SPTBN5: variants seen among roughly 807,000 people sequenced by gnomAD.
SPTBN5 encodes spectrin beta chain, non-erythrocytic 5.
A neutral mutation model predicts 477.6 loss-of-function variants in SPTBN5; 513 were observed. The observed-to-expected ratio is 1.07, with a 90% CI of 1.00 to 1.16. The LOEUF (loss-of-function observed/expected upper bound fraction) is 1.16. Ranked by LOEUF, SPTBN5 falls within the 50% of genes most tolerant of loss-of-function variation. SPTBN5 has a pLI of 0.00. For synonymous variants in SPTBN5, 2,169 were observed against 2,011.7 expected, an observed-to-expected ratio of 1.08 and a Z score of -2.09; for missense variants, 5,062 against 4,731.8, an observed-to-expected ratio of 1.07 and a Z score of -2.05.
chr15:41,851,415 C>G, intron 63 of SPTBN5, 46 bp from the exon 64 acceptor site: 1 of 1,422,702 alleles, frequency 7.0e-7, no homozygotes. Flanking sequence ...ACGCAGGAAG[C>G]CAGAGCTAGG....
intron 14 of SPTBN5, 105 bp downstream of exon 14, chr15:41,880,054 TC>T (rs1234013206): frequency 1.3e-5 from 19 of 1,441,590 alleles, no homozygotes; most frequent in Non-Finnish European, 4.6e-6. Flanking sequence ...TCTGCTCCCC[TC>T]CCCCAGGCAG....
At position 41,885,979 on chromosome 15, in the gene SPTBN5, T is replaced by C; in HGVS notation, c.1276A>G (p.Thr426Ala). ...QRLLQLQRLE[T>A]LARRFQHKAA... ...TTGTGCTGGAAGCGCCGGGCCAGGG[T>C]TTCTAGCCGCTGCAGCTGCAGTAGC... Residue 426 changes from threonine (T) to alanine (A), a missense_variant, in exon 7 of 68, where the codon ACC (threonine) becomes GCC (alanine). Thr to Ala is a moderately conservative substitution (Grantham distance 58). Coordinates refer to ENST00000320955, the MANE Select transcript of SPTBN5 (RefSeq NM_016642.4). 6.5e-7 allele frequency: 1 copy of C among 1,549,194 alleles called. No individual in the cohort carries two copies. Among genetic ancestry groups the C allele is most frequent in the Non-Finnish European group, 8.7e-7 (1 of 1,148,748 alleles).
chr15:41,857,597 C>T lies in SPTBN5; in HGVS notation c.8340G>A (p.Val2780=), dbSNP rs1468691193. The change falls in exon 50 of 68, where the codon GTG becomes GTA. Residue 2780 remains valine, a synonymous_variant. Transcript: ENST00000320955. ...CCTCACAGGCCTTCTGGAGCTTGGC[C>T]ACCTTCTTCTGGGAGTTGTCTTGCA... ...GELQDNSQKK[V]AKLQKACEAL... is the part of the protein sequence containing the mutation. 6.2e-7 allele frequency: 1 copy of T among 1,609,086 alleles called. No homozygotes were observed. The highest frequency in any genetic ancestry group is 1.1e-5 in the South Asian group (1 of 89,974).
In SPTBN5 at chr15:41,861,926, G is replaced by A. The variant is rs371211826; in HGVS notation, c.7549-3C>T. 1 of 1,598,330 alleles carries A rather than the reference G, an allele frequency of 6.3e-7. No homozygotes were observed. Among genetic ancestry groups the A allele is most frequent in the Non-Finnish European group, 8.5e-7 (1 of 1,176,126 alleles). On this transcript the variant is annotated splice_polypyrimidine_tract_variant and splice_region_variant and intron_variant, in intron 44 of 67. Transcript: ENST00000320955. ...TCTGTCCAGGAGTCCAGCTCGGCCT[G>A]GAACAGGACTGGGCTCAGATCACTG...
chr15:41,886,105 G>A lies in SPTBN5; in HGVS notation c.1150C>T (p.Pro384Ser). ...QTALQAQNRR[P>S]FLPHEGLGLA... ...CCCAGGCCCTCATGAGGCAGGAAGG[G>A]CCTGCGGTTCTGGGCTTGGAGTGCT... Residue 384 changes from proline (P) to serine (S), a missense_variant, in exon 7 of 68, where the codon CCC becomes TCC. By Grantham distance (74) the Pro-to-Ser change is moderately conservative (BLOSUM62 -1). Coordinates refer to ENST00000320955, the MANE Select transcript of SPTBN5 (RefSeq NM_016642.4). 6.2e-7 allele frequency: 1 copy of A among 1,609,722 alleles called. No individual in the cohort carries two copies. The highest frequency in any genetic ancestry group is 8.5e-7 in the Non-Finnish European group (1 of 1,177,922).
In SPTBN5 at chr15:41,849,309, C is replaced by A. The variant is rs534571205; in HGVS notation, c.11012+560G>T. ...CAGGTAAGAGCCTCCTGCCCCTGCACATCCACCTTCGCATCTCCTCCCTGG... is the reference window on the plus strand; with the variant it reads ...CAGGTAAGAGCCTCCTGCCCCTGCAAATCCACCTTCGCATCTCCTCCCTGG... On this transcript the variant is annotated intron_variant, in intron 67 of 67. Coordinates refer to ENST00000320955, the MANE Select transcript of SPTBN5 (RefSeq NM_016642.4). Among the ~76,000 whole-genome samples the A allele has an allele frequency of 2.0e-5, 3 of 152,342 alleles. No homozygotes were observed. In the South Asian group the frequency reaches 6.2e-4, roughly 32 times the overall value.
intron 53 of SPTBN5, 66 bp from the exon 54 acceptor site, chr15:41,855,811 C>A (rs778822023): frequency 1.4e-6 from 2 of 1,435,946 alleles, no homozygotes; most frequent in Non-Finnish European, 1.8e-6. Context: ...TTTACAGCCA[C>A]GATTCTCAGC....
rs1177387783 is a variant in SPTBN5 at position 41,872,444 on chromosome 15, G to A, written c.5023C>T (p.Leu1675=). 6.4e-7 allele frequency: 1 copy of A among 1,562,886 alleles called. No homozygotes were observed. The highest frequency in any genetic ancestry group is 1.9e-5 in the Admixed American group (1 of 52,060). ...TCCATGGAGCTCCAGTAAATGGCTA[G>A]TTCCTCCTGTAGAGCCTATGATGCA... ...INKHQALQEE[L]AIYWSSMEEL... The change falls in exon 27 of 68, where the codon CTA becomes TTA. Residue 1675 remains leucine, a synonymous_variant. Coordinates refer to ENST00000320955, the MANE Select transcript of SPTBN5 (RefSeq NM_016642.4).
At chr15:41,855,173 C>A in intron 55 of SPTBN5, 51 bp downstream of exon 55, 2 of 1,559,312 alleles carry the variant, frequency 1.3e-6, no homozygotes, top group South Asian at 2.4e-5. Flanking sequence ...CAGGGCAGGC[C>A]TTCCTCAGCC....
rs2065658099 is a variant in SPTBN5, at chr15:41,849,115, T to TGCACGGAGGATTTGCCTGTCTCCAGTCCA, written c.11013-488_11013-487insTGGACTGGAGACAGGCAAATCCTCCGTGC. On this transcript the variant is annotated intron_variant, in intron 67 of 67. Transcript: ENST00000320955. ...TAGGCACATCCTGGCATGGGGCCCATGCACGGAGGATTTGCCTGTCTCCAG... is the reference window on the plus strand; with the variant it reads ...TAGGCACATCCTGGCATGGGGCCCATGCACGGAGGATTTGCCTGTCTCCAGTCCAGCACGGAGGATTTGCCTGTCTCCAG... Among the ~76,000 whole-genome samples the TGCACGGAGGATTTGCCTGTCTCCAGTCCA allele has an allele frequency of 2.0e-5, 3 of 152,188 alleles. No individual in the cohort carries two copies. The South Asian group carries it at 6.2e-4, about 31-fold the overall frequency.
chr15:41,893,248 G>A (rs1203346030), intron 2 of SPTBN5, 34 bp downstream of exon 2: 1 of 1,612,996 alleles, frequency 6.2e-7, no homozygotes. Flanking sequence ...GGCCTGGTAT[G>A]GGTGGGCTGT....
In SPTBN5 at chr15:41,849,959, G is replaced by T; in HGVS notation, c.10922C>A (p.Ala3641Asp). ...TTTGAGTTTTGGGCTCAGACTCTGGGCTGCAGAGCAAGGGAATAACCACTG... is the reference window on the plus strand; with the variant it reads ...TTTGAGTTTTGGGCTCAGACTCTGGTCTGCAGAGCAAGGGAATAACCACTG... ...SWWRALGSTAAQSLSPKLKAK... is the reference protein window; with the variant it reads ...SWWRALGSTADQSLSPKLKAK... Residue 3641 changes from alanine to aspartate, a missense_variant and splice_region_variant, in exon 67 of 68, where the codon GCC becomes GAC. Coordinates refer to ENST00000320955, the MANE Select transcript of SPTBN5 (RefSeq NM_016642.4). 6.3e-7 allele frequency: 1 copy of T among 1,586,724 alleles called. No homozygotes were observed. The highest frequency in any genetic ancestry group is 1.8e-5 in the Admixed American group (1 of 56,012).
Position 41,887,331 on chromosome 15 carries a change from G to A in SPTBN5, c.770C>T (p.Pro257Leu), listed in dbSNP as rs1211894010. Residue 257 changes from proline (P) to leucine (L), a missense_variant, in exon 6 of 68, where the codon CCC (proline) becomes CTC (leucine). Pro to Leu is a moderately conservative substitution (Grantham distance 98). Coordinates refer to ENST00000320955, the MANE Select transcript of SPTBN5 (RefSeq NM_016642.4). ...TGGCTGTGCGGCTGCCACGTCCTCGGGGTCCAGCAGCTGAGCAATGCCCAG... is the reference window on the plus strand; with the variant it reads ...TGGCTGTGCGGCTGCCACGTCCTCGAGGTCCAGCAGCTGAGCAATGCCCAG... ...QELGIAQLLD[P>L]EDVAAAQPDE... 7.1e-6 allele frequency: 11 copies of A among 1,551,660 alleles called. No individual in the cohort carries two copies. Among genetic ancestry groups the A allele is most frequent in the Non-Finnish European group, 9.6e-6 (11 of 1,147,254 alleles).
rs1214760370 is a variant in SPTBN5, at chr15:41,877,117, C to T, written c.3710G>A (p.Gly1237Glu). The change falls in exon 18 of 68, where the codon GGG (glycine) becomes GAG (glutamate). Residue 1237 changes from glycine (G) to glutamate (E), a missense_variant and splice_region_variant. Coordinates refer to ENST00000320955, the MANE Select transcript of SPTBN5 (RefSeq NM_016642.4). Reference sequence around the variant, plus strand: ...TAGCTCCACATTCCTGCTCCATACCCCAAGGTTGTCCAGGTGCAGCCAGGC... The same window carrying T: ...TAGCTCCACATTCCTGCTCCATACCTCAAGGTTGTCCAGGTGCAGCCAGGC... ...HQAWLHLDNL[G>E]EDVREALSLL... 6.2e-7 allele frequency: 1 copy of T among 1,613,794 alleles called. No homozygotes were observed. The highest frequency in any genetic ancestry group is 1.1e-5 in the South Asian group (1 of 91,028).
chr15:41,856,732 C>T, intron 52 of SPTBN5, 121 bp downstream of exon 52: 3 of 1,338,662 alleles, frequency 2.2e-6, no homozygotes, highest in Non-Finnish European at 3.0e-6. Flanking sequence ...CCAAAGAATC[C>T]AGGGCATCCC....
rs755529223 is a variant in SPTBN5, at chr15:41,854,868, T to TG, written c.9531dup (p.Arg3178GlnfsTer14). ...TGGGCTTGGATGTGGGGATAGCGCCTGGGTGCACCCCGCTCCAGGGTGCCT... is the reference window on the plus strand; with the variant it reads ...TGGGCTTGGATGTGGGGATAGCGCCTGGGGTGCACCCCGCTCCAGGGTGCCT... On this transcript the variant is annotated frameshift_variant, in exon 56 of 68. Transcript: ENST00000320955. LOFTEE classifies it high-confidence loss of function. 1.2e-5 allele frequency: 19 copies of TG among 1,609,808 alleles called. No homozygotes were observed. The highest frequency in any genetic ancestry group is 1.5e-5 in the Non-Finnish European group (18 of 1,177,896).
intron 24 of SPTBN5, 110 bp downstream of exon 24, chr15:41,874,182 G>T (rs1489053177): frequency 1.7e-5 from 25 of 1,503,562 alleles, no homozygotes; most frequent in Non-Finnish European, 2.2e-5. Context: ...TGGAAATTGG[G>T]ATACCCAGGG....
chr15:41,854,940 C>A lies in SPTBN5; in HGVS notation c.9460G>T (p.Val3154Leu), dbSNP rs2065889488. The part of the protein sequence containing the change: ...EEKFDAFRKE[V>L]QSLGQAKVYA... ...ACCTTGGCCTGGCCCAGGCTCTGCA[C>A]TTCCTTTCTGAAAGCATCAAACTTC... Residue 3154 changes from valine (V) to leucine (L), a missense_variant, in exon 56 of 68, where the codon GTG (valine) becomes TTG (leucine). Physicochemically the swap from Val to Leu is conservative, Grantham distance 32. Coordinates refer to ENST00000320955, the MANE Select transcript of SPTBN5 (RefSeq NM_016642.4). 1 of 1,565,558 alleles carries A rather than the reference C, an allele frequency of 6.4e-7. No homozygotes were observed. Among genetic ancestry groups the A allele is most frequent in the Non-Finnish European group, 8.6e-7 (1 of 1,157,420 alleles).
At chr15:41,866,514 A>G in intron 36 of SPTBN5, 21 bp from the exon 37 acceptor site, 2 of 1,530,138 alleles carry the variant, frequency 1.3e-6, no homozygotes, top group Non-Finnish European at 1.7e-6. Context: ...TGGGACATGA[A>G]TGCTGCAATG....
Sources: allele counts gnomAD v4.1 joint callset (sites outside exome capture counted in the v4.1 genomes callset), GRCh38; gene constraint gnomAD v4.1.1; transcripts MANE v1.5; gene names NCBI Gene and HGNC (gene_info 2026-07-23, HGNC 2026-07-21).